Variants in ATG4A observed in about 807,000 individuals in gnomAD.
ATG4A encodes autophagy related 4A cysteine peptidase, also known as cysteine protease ATG4A.
In ATG4A, 22 loss-of-function variants were observed where a neutral mutation model predicts 38.4. That is an observed-to-expected ratio of 0.57 (90% CI 0.41 to 0.82). The LOEUF (loss-of-function observed/expected upper bound fraction) is 0.82, where lower values mean the gene tolerates loss of function less well. Ranked by LOEUF, ATG4A falls within the 40% of genes least tolerant of loss-of-function variation. ATG4A has a pLI of 0.00. For missense variants in ATG4A, 220 were observed against 290.0 expected, an observed-to-expected ratio of 0.76 and a Z score of 1.75; for synonymous variants, 86 against 100.7, an observed-to-expected ratio of 0.85 and a Z score of 0.88.
chrX:108,150,652 G>C (rs1291122116), intron 10 of ATG4A, among the ~76,000 whole-genome samples: 1 of 112,854 alleles, frequency 8.9e-6, no homozygotes, highest in Non-Finnish European at 1.9e-5. Context: ...TGTCTTACAT[G>C]GTGGCAGGCA....
At chrX:108,126,227 G>A (rs1419402535) in intron 2 of ATG4A, 40 bp downstream of exon 2, 1 of 996,346 alleles carries the variant, frequency 1.0e-6, no homozygotes, top group Non-Finnish European at 1.4e-6. Flanking sequence ...ACCCAGATGA[G>A]GTAGGCACCT....
intron 2 of ATG4A, among the ~76,000 whole-genome samples, chrX:108,126,549 C>T (rs1160138990): frequency 2.7e-5 from 3 of 112,041 alleles, no homozygotes; most frequent in African/African-American, 6.5e-5. Flanking sequence ...TCTAGCCTTT[C>T]GTGACTGGTC....
rs1461036846 is a variant in ATG4A at position 108,153,577 on chromosome X, T to G, written c.1127-65T>G. 5 of 887,465 alleles carry G rather than the reference T, an allele frequency of 5.6e-6. No homozygotes were observed. The East Asian group carries it at 1.6e-4, about 28-fold the overall frequency. 73.1% of individuals were successfully genotyped at this position (887,465 alleles called of 1,213,427 possible). On this transcript the variant is annotated intron_variant, in intron 12 of 12. Transcript: ENST00000372232. ...GCTTAGTCTTAACTACTGAGTAAAGTATTTACTGACCACTTCAACCCAAGT... is the reference window on the plus strand; with the variant it reads ...GCTTAGTCTTAACTACTGAGTAAAGGATTTACTGACCACTTCAACCCAAGT...
intron 1 of ATG4A, among the ~76,000 whole-genome samples, chrX:108,117,198 G>A (rs140230445): frequency 2.8e-3 from 310 of 110,005 alleles, no homozygotes; most frequent in Non-Finnish European, 5.1e-3. Flanking sequence ...TTCAACAAAC[G>A]TTAAACCTTA....
intron 1 of ATG4A, among the ~76,000 whole-genome samples, chrX:108,125,282 G>A (rs757624597): frequency 5.5e-5 from 6 of 109,545 alleles, no homozygotes; most frequent in East Asian, 2.9e-4. Flanking sequence ...TCATTAGAAC[G>A]GAAGATGCTC....
intron 1 of ATG4A, among the ~76,000 whole-genome samples, chrX:108,095,153 T>C (rs1457615071): frequency 2.7e-5 from 3 of 112,325 alleles, no homozygotes; most frequent in African/African-American, 9.7e-5. Flanking sequence ...TTGGCCAGGC[T>C]GGTCTCTAAC....
At chrX:108,119,770 C>G in intron 1 of ATG4A, among the ~76,000 whole-genome samples, 1 of 111,869 alleles carries the variant, frequency 8.9e-6, no homozygotes, top group Non-Finnish European at 1.9e-5. Context: ...TTTTCCCTTT[C>G]CTTTTCCTCC....
At chrX:108,131,130 G>C in intron 3 of ATG4A, 130 bp from the exon 4 acceptor site, 4 of 577,670 alleles carry the variant, frequency 6.9e-6, no homozygotes, top group Non-Finnish European at 1.1e-5. Context: ...TTTGATCTGT[G>C]GGTGTATCTG....
At chrX:108,139,975 T>C (rs943667373) in intron 9 of ATG4A, among the ~76,000 whole-genome samples, 6 of 111,808 alleles carry the variant, frequency 5.4e-5, no homozygotes, top group African/African-American at 2.0e-4. Flanking sequence ...CATGACTAAA[T>C]CACCTCCCAA....
intron 1 of ATG4A, among the ~76,000 whole-genome samples, chrX:108,117,520 G>A (rs1185252335): frequency 1.8e-5 from 2 of 111,646 alleles, no homozygotes; most frequent in Admixed American, 9.5e-5. Flanking sequence ...AATCTCCTCC[G>A]TATCATGTGT....
At chrX:108,114,009 T>C (rs1027210495) in intron 1 of ATG4A, among the ~76,000 whole-genome samples, 2 of 111,884 alleles carry the variant, frequency 1.8e-5, no homozygotes, top group African/African-American at 6.5e-5. Flanking sequence ...AAAGTTGTAA[T>C]TGCGAAAAGC....
chrX:108,127,675 A>G (rs1224753829), intron 2 of ATG4A, among the ~76,000 whole-genome samples: 3 of 112,285 alleles, frequency 2.7e-5, no homozygotes, highest in African/African-American at 9.7e-5. Flanking sequence ...CAGATAGCTC[A>G]ACTTTCCGAT....
chrX:108,111,400 G>A (rs1275529795), intron 1 of ATG4A, among the ~76,000 whole-genome samples: 1 of 112,071 alleles, frequency 8.9e-6, no homozygotes, highest in African/African-American at 3.2e-5. Flanking sequence ...GCCTTGGCTG[G>A]CTCCTTTACA....
At chrX:108,096,358 C>T (rs2031817372) in intron 1 of ATG4A, among the ~76,000 whole-genome samples, 1 of 112,258 alleles carries the variant, frequency 8.9e-6, no homozygotes, top group South Asian at 3.6e-4. Flanking sequence ...GAGAATCATT[C>T]GTACCTTGCT....
At chrX:108,137,761 G>A in intron 7 of ATG4A, 43 bp from the exon 8 acceptor site, 1 of 1,097,968 alleles carries the variant, frequency 9.1e-7, no homozygotes, top group Non-Finnish European at 1.2e-6. Flanking sequence ...TTCTAGGGCT[G>A]AAGACTCCTT....
At chrX:108,109,700 C>G (rs988462989) in intron 1 of ATG4A, among the ~76,000 whole-genome samples, 15 of 111,854 alleles carry the variant, frequency 1.3e-4, no homozygotes, top group Non-Finnish European at 2.6e-4. Flanking sequence ...ATGTGGATAT[C>G]CATTGTCCCC....
intron 3 of ATG4A, 79 bp from the exon 4 acceptor site, chrX:108,131,181 G>T (rs2032943381): frequency 4.5e-6 from 4 of 884,345 alleles, no homozygotes; most frequent in Non-Finnish European, 6.6e-6. Context: ...CCTGTCTTGT[G>T]TGAGTCCCAA....
upstream of ATG4A, among the ~76,000 whole-genome samples, chrX:108,090,771 G>C (rs1274546697): frequency 8.9e-6 from 1 of 112,377 alleles, no homozygotes; most frequent in Non-Finnish European, 1.9e-5. Context: ...CTAAACTTCT[G>C]TCTACCTCTG....
chrX:108,109,672 C>A (rs764431225), intron 1 of ATG4A, among the ~76,000 whole-genome samples: 1 of 112,028 alleles, frequency 8.9e-6, no homozygotes, highest in Admixed American at 9.4e-5. Flanking sequence ...TGCTAAGGGT[C>A]CAACTTCATA....
Sources: allele counts gnomAD v4.1 joint callset (sites outside exome capture counted in the v4.1 genomes callset), GRCh38; gene constraint gnomAD v4.1.1; transcripts MANE v1.5; gene names NCBI Gene and HGNC (gene_info 2026-07-23, HGNC 2026-07-21).